Variants in TMEM200C observed in about 807,000 individuals in gnomAD.
The protein encoded by TMEM200C is transmembrane protein TTMA.
For missense variants in TMEM200C, 966 were observed against 699.9 expected (o/e 1.38, Z -4.29); for synonymous variants, 462 against 324.7 (o/e 1.42, Z -4.55).
At chr18:5,886,939 G>T (rs887727517) in exon 3 of TMEM200C, 3 of 152,138 alleles carry the variant, frequency 2.0e-5, no homozygotes, top group African/African-American at 7.2e-5. Context: ...ACAAACCTTT[G>T]TATAATACTC....
rs762017342 is a variant in TMEM200C at position 5,891,961 on chromosome 18, G to C, written c.103C>G (p.Arg35Gly). ...TTCACCACCACCACGTCGTTCTTGC[G>C]CCTCTTCTTGGCTTTCCGCTTGCGC... The change falls in exon 3 of 3, where the codon CGC (arginine) becomes GGC (glycine). Residue 35 changes from arginine to glycine, a missense_variant. Arg to Gly is a moderately radical substitution (Grantham distance 125). Coordinates refer to ENST00000581347, the Ensembl canonical transcript of TMEM200C. The surrounding 1 kb of genome is among the most constrained non-coding windows in gnomAD (Gnocchi z 4.7). The C allele has an allele frequency of 1.2e-6, 2 of 1,613,946 alleles. No homozygotes were observed. Among genetic ancestry groups the C allele is most frequent in the South Asian group, 2.2e-5 (2 of 91,074 alleles).
In TMEM200C at chr18:5,891,226, C is replaced by T. The variant is rs1398757305; in HGVS notation, c.838G>A (p.Ala280Thr). Residue 280 changes from alanine to threonine, a missense_variant, in exon 3 of 3, where the codon GCC (alanine) becomes ACC (threonine). By Grantham distance (58) the Ala-to-Thr change is moderately conservative. Transcript: ENST00000581347. This position sits in a 1 kb window ranked among gnomAD's most constrained non-coding sequence, Gnocchi z 4.7. ...GGGTGAGGAGGCCACGAGCCCTTGG[C>T]CAGCATCGCCGCCGCTCCGAAGGCG... 3 of 1,291,194 alleles carry T rather than the reference C, an allele frequency of 2.3e-6. No homozygotes were observed. The highest frequency in any genetic ancestry group is 3.1e-5 in the African/African-American group (2 of 64,160). 80.0% of individuals were successfully genotyped at this position (1,291,194 alleles called of 1,614,324 possible). A position where few individuals can be genotyped will look rare whatever the true frequency, so the allele number is the denominator to read the frequency against.
chr18:5,890,755 G>T, exon 3 of TMEM200C: 2 of 600,698 alleles, frequency 3.3e-6, no homozygotes, highest in Non-Finnish European at 3.0e-6. Flanking sequence ...TCCGGCTCCC[G>T]GCGCGCCCCG....
At chr18:5,890,544 G>A (rs1204764449) in exon 3 of TMEM200C, 4 of 1,462,822 alleles carry the variant, frequency 2.7e-6, no homozygotes, top group African/African-American at 2.9e-5. Flanking sequence ...CAGGGGTGGC[G>A]AGGGGGAGGC....
At chr18:5,884,008 C>A (rs2095163596) in exon 3 of TMEM200C, 1 of 152,092 alleles carries the variant, frequency 6.6e-6, no homozygotes, top group Non-Finnish European at 1.5e-5. Flanking sequence ...AGTTAAGAAG[C>A]CCTGCTAGTG....
exon 3 of TMEM200C, chr18:5,886,389 T>C (rs1029806941): frequency 2.2e-4 from 34 of 152,160 alleles, no homozygotes; most frequent in Admixed American, 6.5e-4. Flanking sequence ...CGTTCATTCA[T>C]TGTTATATAA....
At position 5,891,366 on chromosome 18, in the gene TMEM200C, G is replaced by A. The variant is rs945174378; in HGVS notation, c.698C>T (p.Ser233Leu). 2.2e-6 allele frequency: 3 copies of A among 1,349,962 alleles called. No homozygotes were observed. Among genetic ancestry groups the A allele is most frequent in the African/African-American group, 1.6e-5 (1 of 64,466 alleles). The allele number at this position is 1,349,962 out of a possible 1,614,324, so 83.6% of individuals were successfully genotyped here. Residue 233 changes from serine (S) to leucine (L), a missense_variant, in exon 3 of 3, where the codon TCG (serine) becomes TTG (leucine). Physicochemically the swap from Ser to Leu is moderately radical, Grantham distance 145. Coordinates refer to ENST00000581347, the Ensembl canonical transcript of TMEM200C. This position sits in a 1 kb window ranked among gnomAD's most constrained non-coding sequence, Gnocchi z 4.7. Reference sequence around the variant, plus strand: ...GGGCGCCGCGGCGGGGGCAGACGACGACGAAGAGGCGGCGGCGGCCGCGGC... The same window carrying A: ...GGGCGCCGCGGCGGGGGCAGACGACAACGAAGAGGCGGCGGCGGCCGCGGC...
At chr18:5,894,336 T>C (rs1181504448) in intron 2 of TMEM200C, among the ~76,000 whole-genome samples, 1 of 152,238 alleles carries the variant, frequency 6.6e-6, no homozygotes, top group Non-Finnish European at 1.5e-5. Flanking sequence ...CGTTTATTAT[T>C]CCTTCAGCTC....
rs1030294484 is a variant in TMEM200C, at chr18:5,891,987, T to C, written c.77A>G (p.Lys26Arg). ...CCTCTTCTTGGCTTTCCGCTTGCGC[T>C]TGGGTATCTGGCTTGGGGGGCGGAG... The change falls in exon 3 of 3, where the codon AAG (lysine) becomes AGG (arginine). Residue 26 changes from lysine (K) to arginine (R), a missense_variant. Physicochemically the swap from Lys to Arg is conservative, Grantham distance 26. Transcript: ENST00000581347. This position sits in a 1 kb window ranked among gnomAD's most constrained non-coding sequence, Gnocchi z 4.7. 10 of 1,613,826 alleles carry C rather than the reference T, an allele frequency of 6.2e-6. No homozygotes were observed. Among genetic ancestry groups the C allele is most frequent in the African/African-American group, 1.3e-5 (1 of 74,932 alleles).
exon 3 of TMEM200C, chr18:5,885,772 T>G (rs1599523707): frequency 6.6e-6 from 1 of 152,204 alleles, no homozygotes; most frequent in East Asian, 1.9e-4. Flanking sequence ...CATTCCTTTT[T>G]GAAGAAAAAA....
In TMEM200C at chr18:5,891,386, C is replaced by A; in HGVS notation, c.678G>T (p.Ala226=). 2.3e-6 allele frequency: 3 copies of A among 1,323,456 alleles called. No individual in the cohort carries two copies. The highest frequency in any genetic ancestry group is 2.4e-5 in the South Asian group (1 of 42,548). The allele number at this position is 1,323,456 out of a possible 1,614,324, so 82.0% of individuals were successfully genotyped here. A position where few individuals can be genotyped will look rare whatever the true frequency, so the allele number is the denominator to read the frequency against. The change falls in exon 3 of 3, where the codon GCG becomes GCT. Residue 226 remains alanine, a synonymous_variant. Coordinates refer to ENST00000581347, the Ensembl canonical transcript of TMEM200C. This position sits in a 1 kb window ranked among gnomAD's most constrained non-coding sequence, Gnocchi z 4.7. ...ACGACGACGAAGAGGCGGCGGCGGC[C>A]GCGGCGGCGGCCGCGGCGGCCGCCA...
rs1227027015 is a variant in TMEM200C at position 5,891,446 on chromosome 18, G to C, written c.618C>G (p.Thr206=). The C allele has an allele frequency of 1.3e-6, 2 of 1,556,574 alleles. No homozygotes were observed. The highest frequency in any genetic ancestry group is 1.7e-6 in the Non-Finnish European group (2 of 1,150,986). ...CGCGGAGGCTGTGCACGTCGATGAC[G>C]GTGGAGTAGAGGTCCCGCAGGTTGA... The change falls in exon 3 of 3, where the codon ACC becomes ACG. Residue 206 remains threonine (T), a synonymous_variant. Coordinates refer to ENST00000581347, the Ensembl canonical transcript of TMEM200C. This position sits in a 1 kb window ranked among gnomAD's most constrained non-coding sequence, Gnocchi z 4.7.
At chr18:5,890,469 C>T (rs2095169099) in exon 3 of TMEM200C, 2 of 1,563,782 alleles carry the variant, frequency 1.3e-6, no homozygotes, top group South Asian at 1.2e-5. Flanking sequence ...CTTATTGCTG[C>T]TGGATGGGTC....
In TMEM200C at chr18:5,891,121, G is replaced by A. The variant is rs1310946235; in HGVS notation, c.943C>T (p.Pro315Ser). 2.2e-5 allele frequency: 11 copies of A among 497,508 alleles called. No homozygotes were observed. The highest frequency in any genetic ancestry group is 2.1e-4 in the East Asian group (6 of 27,964). The allele number at this position is 497,508 out of a possible 1,614,324, so 30.8% of individuals were successfully genotyped here. A position where few individuals can be genotyped will look rare whatever the true frequency, so the allele number is the denominator to read the frequency against. The stretch of plus-strand genomic sequence containing the variant: ...TACACGGCCTCGGCCAGGCTCGGGG[G>A]CTCCCGCGGACAGCGCGGGGAAGAG... The change falls in exon 3 of 3, where the codon CCC becomes TCC. Residue 315 changes from proline (P) to serine (S), a missense_variant. By Grantham distance (74) the Pro-to-Ser change is moderately conservative. Coordinates refer to ENST00000581347, the Ensembl canonical transcript of TMEM200C. This position sits in a 1 kb window ranked among gnomAD's most constrained non-coding sequence, Gnocchi z 4.7.
exon 3 of TMEM200C, chr18:5,887,353 C>T (rs555803205): frequency 7.9e-5 from 12 of 152,122 alleles, no homozygotes; most frequent in Non-Finnish European, 1.5e-4. Context: ...TTGTTCATGC[C>T]CGTCTGAAGA....
At chr18:5,895,209 C>T (rs1328277317) in exon 2 of TMEM200C, 1 of 152,008 alleles carries the variant, frequency 6.6e-6, no homozygotes, top group Non-Finnish European at 1.5e-5. Flanking sequence ...GGCTCGCAGT[C>T]CCCGCCGGCG....
exon 3 of TMEM200C, chr18:5,883,244 C>T (rs2095163001): frequency 6.6e-6 from 1 of 151,982 alleles, no homozygotes; most frequent in African/African-American, 2.4e-5. Flanking sequence ...TTGAAGAAAT[C>T]AAGTAATTAT....
chr18:5,887,133 A>G (rs2095165974), exon 3 of TMEM200C: 1 of 152,178 alleles, frequency 6.6e-6, no homozygotes, highest in South Asian at 2.1e-4. Flanking sequence ...CAGGGAAAAA[A>G]TACCATCACA....
Position 5,891,743 on chromosome 18 carries a change from A to C in TMEM200C, c.321T>G (p.Ser107Arg). The stretch of plus-strand genomic sequence containing the variant: ...GGCTCCTGGACCGGTTTTTGCTGCC[A>C]CTGCTACTGCTGTTGGCCGTGGTTG... The change falls in exon 3 of 3, where the codon AGT becomes AGG. Residue 107 changes from serine to arginine, a missense_variant. Physicochemically the swap from Ser to Arg is moderately radical, Grantham distance 110. Coordinates refer to ENST00000581347, the Ensembl canonical transcript of TMEM200C. The surrounding 1 kb of genome is among the most constrained non-coding windows in gnomAD (Gnocchi z 4.7). The C allele has an allele frequency of 6.2e-7, 1 of 1,611,514 alleles. No individual in the cohort carries two copies. Among genetic ancestry groups the C allele is most frequent in the Non-Finnish European group, 8.5e-7 (1 of 1,179,712 alleles).
Sources: gnomAD v4.1 joint callset for allele counts (sites outside exome capture counted in the v4.1 genomes callset) on GRCh38, gnomAD v4.1.1 for gene constraint, Gnocchi (gnomAD v3.1) non-coding constraint, MANE v1.5 for transcripts, NCBI Gene and HGNC (gene_info 2026-07-23, HGNC 2026-07-21) for gene names.